Variants in NCK2 observed in about 807,000 individuals in gnomAD.
NCK2 encodes the protein NCK adaptor protein 2.
In NCK2, 16 loss-of-function variants were observed where a neutral mutation model predicts 33.9. The ratio of observed to expected loss-of-function variants is 0.47; its 90% CI spans 0.32 to 0.72. The LOEUF is 0.72. Ranked by LOEUF, NCK2 falls within the 30% of genes least tolerant of loss-of-function variation. The pLI is 0.03. For synonymous variants in NCK2, 273 were observed against 239.9 expected (o/e 1.14, Z -1.27); for missense variants, 418 against 537.3 (o/e 0.78, Z 2.19).
chr2:105,879,323 G>A (rs574146664), intron 3 of NCK2, among the ~76,000 whole-genome samples: 2 of 152,294 alleles, frequency 1.3e-5, no homozygotes, highest in South Asian at 2.1e-4. Flanking sequence ...GTTGAGCTTC[G>A]GGCACCACTG....
intron 3 of NCK2, among the ~76,000 whole-genome samples, chr2:105,860,679 G>T (rs1319530541): frequency 6.6e-6 from 1 of 152,028 alleles, no homozygotes; most frequent in African/African-American, 2.4e-5. Context: ...AGCTGGGGAG[G>T]AATTGGGGAT....
At chr2:105,751,037 CAG>C (rs2104328617) in intron 1 of NCK2, among the ~76,000 whole-genome samples, 1 of 152,310 alleles carries the variant, frequency 6.6e-6, no homozygotes, top group South Asian at 2.1e-4. Flanking sequence ...AGACATAAGG[CAG>C]GGGCAATGCC....
At chr2:105,844,612 C>T (rs1206562020) in intron 2 of NCK2, among the ~76,000 whole-genome samples, 1 of 150,090 alleles carries the variant, frequency 6.7e-6, no homozygotes, top group Non-Finnish European at 1.5e-5. Context: ...GAGGCTCTTA[C>T]CTGTAATTGC....
In NCK2 at chr2:105,748,276, T is replaced by TC. The variant is rs141731038; in HGVS notation, c.-201+3142dup. 7.5e-3 allele frequency among the ~76,000 whole-genome samples: 1,145 copies of TC among 152,296 alleles called. 12 individuals are homozygous for TC. The highest frequency in any genetic ancestry group is 0.011 in the Non-Finnish European group (738 of 68,026). ...AAGGGTCGTCTCTTACTTCTTTTCTTCCCCACATCTTATCAACTCCAAACT... is the reference window on the plus strand; with the variant it reads ...AAGGGTCGTCTCTTACTTCTTTTCTTCCCCCACATCTTATCAACTCCAAACT... On this transcript the variant is annotated intron_variant, in intron 1 of 4. Coordinates refer to ENST00000233154, the MANE Select transcript of NCK2 (RefSeq NM_003581.5).
At chr2:105,816,883 C>T (rs1449515284) in intron 2 of NCK2, among the ~76,000 whole-genome samples, 4 of 152,172 alleles carry the variant, frequency 2.6e-5, no homozygotes, top group African/African-American at 9.7e-5. Flanking sequence ...ATATTACTGA[C>T]TCTTGAATCC....
At chr2:105,813,299 A>C (rs971406274) in intron 1 of NCK2, among the ~76,000 whole-genome samples, 1 of 152,156 alleles carries the variant, frequency 6.6e-6, no homozygotes, top group African/African-American at 2.4e-5. Flanking sequence ...GGATTCCCTG[A>C]GCCTCCTGAA....
intron 1 of NCK2, among the ~76,000 whole-genome samples, chr2:105,766,681 CTG>C (rs1190769321): frequency 6.6e-6 from 1 of 152,116 alleles, no homozygotes; most frequent in Non-Finnish European, 1.5e-5. Flanking sequence ...TCAGGGTAGT[CTG>C]TGAGGGAGAA....
At chr2:105,794,010 C>T (rs949833760) in intron 1 of NCK2, among the ~76,000 whole-genome samples, 15 of 150,314 alleles carry the variant, frequency 1.0e-4, no homozygotes, top group Non-Finnish European at 1.0e-4. Flanking sequence ...ATACTTATAA[C>T]TCAAAATTAG....
At chr2:105,772,230 A>G (rs1414614288) in intron 1 of NCK2, among the ~76,000 whole-genome samples, 2 of 152,052 alleles carry the variant, frequency 1.3e-5, no homozygotes, top group East Asian at 3.8e-4. Context: ...TTTGAGAACC[A>G]TAGATTTATT....
chr2:105,861,673 C>A (rs1367719229), intron 3 of NCK2, among the ~76,000 whole-genome samples: 1 of 151,978 alleles, frequency 6.6e-6, no homozygotes, highest in Non-Finnish European at 1.5e-5. Context: ...TATCACCACA[C>A]CCAGCTAATT....
chr2:105,868,055 G>A (rs770768035), intron 3 of NCK2, among the ~76,000 whole-genome samples: 91 of 152,154 alleles, frequency 6.0e-4, no homozygotes, highest in Admixed American at 1.0e-3. Flanking sequence ...GAGAGCGCTC[G>A]TTTACTGGCT....
intron 1 of NCK2, among the ~76,000 whole-genome samples, chr2:105,762,556 A>T (rs187149882): frequency 4.0e-4 from 61 of 152,270 alleles, no homozygotes; most frequent in Non-Finnish European, 2.1e-4. Flanking sequence ...TGCATGGAGG[A>T]TATCTGTGAA....
intron 2 of NCK2, among the ~76,000 whole-genome samples, chr2:105,839,291 A>T (rs2104545973): frequency 6.6e-6 from 1 of 152,298 alleles, no homozygotes; most frequent in African/African-American, 2.4e-5. Context: ...GGACTGACAC[A>T]AATACCTTTA....
intron 1 of NCK2, among the ~76,000 whole-genome samples, chr2:105,814,426 C>T (rs1302936745): frequency 3.3e-5 from 5 of 152,192 alleles, no homozygotes; most frequent in African/African-American, 9.7e-5. Flanking sequence ...AGTCCTGCTC[C>T]GTTCTGTCTG....
chr2:105,764,512 A>G (rs914992680), intron 1 of NCK2, among the ~76,000 whole-genome samples: 2 of 152,254 alleles, frequency 1.3e-5, no homozygotes, highest in East Asian at 3.8e-4. Flanking sequence ...ACAGGTGAGC[A>G]GGAGGCAGAA....
At chr2:105,832,789 T>C (rs1676246572) in intron 2 of NCK2, among the ~76,000 whole-genome samples, 1 of 151,956 alleles carries the variant, frequency 6.6e-6, no homozygotes, top group South Asian at 2.1e-4. Context: ...TCCTTGTCTG[T>C]TTCAGGTGTC....
intron 2 of NCK2, among the ~76,000 whole-genome samples, chr2:105,835,388 CATATATATATATAT>C (rs1553458574): frequency 1.9e-5 from 1 of 52,114 alleles, no homozygotes; most frequent in African/African-American, 7.3e-5. Flanking sequence ...TATATATACA[CATATATATATATAT>C]ATACGTGTAT....
chr2:105,762,252 C>A (rs778036531), intron 1 of NCK2, among the ~76,000 whole-genome samples: 2 of 152,156 alleles, frequency 1.3e-5, no homozygotes, highest in Admixed American at 6.5e-5. Flanking sequence ...TTGAAAGAGG[C>A]CTTGCCGAGG....
At chr2:105,874,580 C>T (rs1678159958) in intron 3 of NCK2, among the ~76,000 whole-genome samples, 1 of 152,116 alleles carries the variant, frequency 6.6e-6, no homozygotes, top group African/African-American at 2.4e-5. Context: ...GCCATAGAGC[C>T]CCCAAAACTT....
Sources: gnomAD v4.1 joint callset for allele counts (sites outside exome capture counted in the v4.1 genomes callset) on GRCh38, gnomAD v4.1.1 for gene constraint, MANE v1.5 for transcripts, NCBI Gene and HGNC (gene_info 2026-07-23, HGNC 2026-07-21) for gene names.